Variants in PCDHGB3 observed in about 807,000 individuals in gnomAD.
The protein encoded by PCDHGB3 is protocadherin gamma subfamily B, 3.
PCDHGB3 carries 40 observed loss-of-function variants against 59.2 expected under a neutral mutation model. That is an observed-to-expected ratio of 0.68 (90% CI 0.52 to 0.88). The LOEUF is 0.88. Ranked by LOEUF, PCDHGB3 falls within the 40% of genes least tolerant of loss-of-function variation. The probability of loss-of-function intolerance (pLI) is 0.00; values close to 1 mark genes in which losing one functional copy is unlikely to be tolerated. For missense variants in PCDHGB3, 1,309 were observed against 1,187.9 expected, an observed-to-expected ratio of 1.10 and a Z score of -1.50; for synonymous variants, 581 against 503.6, an observed-to-expected ratio of 1.15 and a Z score of -2.06.
rs556484142 is a variant in PCDHGB3 at position 141,503,243 on chromosome 5, CA to C, written c.2475-2149del. On this transcript the variant is annotated intron_variant, in intron 2 of 3. Coordinates refer to ENST00000576222, the MANE Select transcript of PCDHGB3 (RefSeq NM_018924.5). ...CACCGTAAAGATGGACAGTTTCTAT[CA>C]TACTCACAGCCACAACCCCAGCACC... Among the ~76,000 whole-genome samples, 232 of 152,196 alleles carry C rather than the reference CA, an allele frequency of 1.5e-3. 2 individuals carry two copies. Among genetic ancestry groups the C allele is most frequent in the African/African-American group, 5.3e-3 (219 of 41,516 alleles).
chr5:141,456,301 C>CA (rs761557752), intron 1 of PCDHGB3, among the ~76,000 whole-genome samples: 14 of 152,154 alleles, frequency 9.2e-5, no homozygotes, highest in Non-Finnish European at 1.6e-4. Flanking sequence ...TAATGGAGAA[C>CA]AGCAGCTAGG....
chr5:141,423,759 G>GGC, intron 1 of PCDHGB3: 9 of 321,042 alleles, frequency 2.8e-5, no homozygotes, highest in Non-Finnish European at 3.6e-5. Context: ...TTGGGGGGGG[G>GGC]GTGGGGCGGC....
chr5:141,388,628 G>T (rs752578230), intron 1 of PCDHGB3: 1 of 1,613,898 alleles, frequency 6.2e-7, no homozygotes, highest in East Asian at 2.2e-5. Flanking sequence ...ACGTATACAG[G>T]GTGAGCCTTT....
In PCDHGB3 at chr5:141,487,161, T is replaced by G; in HGVS notation, c.2416-7646T>G. ...CTCTCTACCTCTGTTACTCTCTTAGTGTCCTTAGAGGAAGACACTCATCCA... is the reference window on the plus strand; with the variant it reads ...CTCTCTACCTCTGTTACTCTCTTAGGGTCCTTAGAGGAAGACACTCATCCA... On this transcript the variant is annotated intron_variant, in intron 1 of 3. Transcript: ENST00000576222. The surrounding 1 kb of genome is among the most constrained non-coding windows in gnomAD (Gnocchi z 5.0). The G allele has an allele frequency of 6.2e-7, 1 of 1,613,528 alleles. No individual in the cohort carries two copies. The highest frequency in any genetic ancestry group is 1.1e-5 in the South Asian group (1 of 91,072).
At chr5:141,427,840 A>C (rs779622800) in intron 1 of PCDHGB3, 8 of 1,548,180 alleles carry the variant, frequency 5.2e-6, no homozygotes, top group Admixed American at 3.3e-5. Flanking sequence ...CGTGCCTTCG[A>C]CCACGAGCAG....
intron 1 of PCDHGB3, chr5:141,398,266 G>A: frequency 1.4e-6 from 2 of 1,439,368 alleles, no homozygotes; most frequent in Non-Finnish European, 1.9e-6. Flanking sequence ...GGGCTCCGTA[G>A]TGGGGAACCT....
Position 141,371,511 on chromosome 5 carries a change from G to T in PCDHGB3, c.1117G>T (p.Asp373Tyr), listed in dbSNP as rs747916078. The change falls in exon 1 of 4, where the codon GAT (aspartate) becomes TAT (tyrosine). Residue 373 changes from aspartate to tyrosine, a missense_variant. Physicochemically the swap from Asp to Tyr is radical, Grantham distance 160 (BLOSUM62 -3). Transcript: ENST00000576222. ...TGCCGTTGCCCTGATCAAAACACAT[G>T]ATCTAGATTCTGGATTTAATGGAGA... ...GTAVALIKTH[D>Y]LDSGFNGEIL... The T allele has an allele frequency of 4.3e-6, 7 of 1,613,850 alleles. No homozygotes were observed. The highest frequency in any genetic ancestry group is 2.2e-5 in the East Asian group (1 of 44,878).
Position 141,405,169 on chromosome 5 carries a change from C to G in PCDHGB3, c.2415+32360C>G, listed in dbSNP as rs377298438. 12 of 1,614,004 alleles carry G rather than the reference C, an allele frequency of 7.4e-6. No homozygotes were observed. The African/African-American group carries it at 1.6e-4, about 22-fold the overall frequency. On this transcript the variant is annotated intron_variant, in intron 1 of 3. Coordinates refer to ENST00000576222, the MANE Select transcript of PCDHGB3 (RefSeq NM_018924.5). ...GGTTGGCTGGTGTGCCCACCTCACA[C>G]TTTGTGGGTGTAGATGGGGTTCGAG...
chr5:141,403,229 G>C, intron 1 of PCDHGB3: 1 of 1,613,950 alleles, frequency 6.2e-7, no homozygotes, highest in Non-Finnish European at 8.5e-7. Flanking sequence ...GATAGACCGG[G>C]AGGAGCTCTG....
Position 141,431,559 on chromosome 5 carries a change from C to T in PCDHGB3, c.2415+58750C>T. 6.2e-7 allele frequency: 1 copy of T among 1,614,158 alleles called. No individual in the cohort carries two copies. On this transcript the variant is annotated intron_variant, in intron 1 of 3. Transcript: ENST00000576222. The surrounding 1 kb of genome is among the most constrained non-coding windows in gnomAD (Gnocchi z 4.8). ...ACGCAGCTGCTTGTAGTCAACGCTA[C>T]CGACCCTGACGAAGGAGTCAATGCG...
rs147564249 is a variant in PCDHGB3, at chr5:141,432,378, C to T, written c.2415+59569C>T. 1 of 1,614,234 alleles carries T rather than the reference C, an allele frequency of 6.2e-7. No homozygotes were observed. Among genetic ancestry groups the T allele is most frequent in the Non-Finnish European group, 8.5e-7 (1 of 1,180,044 alleles). ...GTGATGGCGCGGGACAACGGGCACCCGCCCCTCAGCAGCAACGTGTCGTTG... is the reference window on the plus strand; with the variant it reads ...GTGATGGCGCGGGACAACGGGCACCTGCCCCTCAGCAGCAACGTGTCGTTG... On this transcript the variant is annotated intron_variant, in intron 1 of 3. Coordinates refer to ENST00000576222, the MANE Select transcript of PCDHGB3 (RefSeq NM_018924.5). This position sits in a 1 kb window ranked among gnomAD's most constrained non-coding sequence, Gnocchi z 6.0.
At chr5:141,471,079 C>T (rs1169560328) in intron 1 of PCDHGB3, among the ~76,000 whole-genome samples, 1 of 145,256 alleles carries the variant, frequency 6.9e-6, no homozygotes, top group African/African-American at 2.5e-5. Context: ...GACAGGGTCT[C>T]CCTCTGTTGT....
At chr5:141,375,421 C>G in intron 1 of PCDHGB3, 1 of 1,613,998 alleles carries the variant, frequency 6.2e-7, no homozygotes, top group South Asian at 1.1e-5. Flanking sequence ...CAGACACCAA[C>G]GACAACCCGC....
chr5:141,374,976 C>A, intron 1 of PCDHGB3: 1 of 1,614,016 alleles, frequency 6.2e-7, no homozygotes, highest in Non-Finnish European at 8.5e-7. Context: ...AATGTTTTGA[C>A]TGGAGAAATT....
rs1369150914 is a variant in PCDHGB3 at position 141,432,217 on chromosome 5, G to A, written c.2415+59408G>A. The A allele has an allele frequency of 3.1e-6, 5 of 1,614,204 alleles. No individual in the cohort carries two copies. The East Asian group carries it at 6.7e-5, about 22-fold the overall frequency. On this transcript the variant is annotated intron_variant, in intron 1 of 3. Coordinates refer to ENST00000576222, the MANE Select transcript of PCDHGB3 (RefSeq NM_018924.5). The surrounding 1 kb of genome is among the most constrained non-coding windows in gnomAD (Gnocchi z 6.0). ...ACCCCGACTGTGAAGAGAACGCCCAGATCACTTATTCCCTGGCTGAGAACA... is the reference window on the plus strand; with the variant it reads ...ACCCCGACTGTGAAGAGAACGCCCAAATCACTTATTCCCTGGCTGAGAACA...
At chr5:141,455,534 A>G (rs985347185) in intron 1 of PCDHGB3, among the ~76,000 whole-genome samples, 1 of 152,178 alleles carries the variant, frequency 6.6e-6, no homozygotes, top group Non-Finnish European at 1.5e-5. Flanking sequence ...GACCAGGCAT[A>G]TCATTCACGT....
intron 1 of PCDHGB3, 100 bp from the exon 2 acceptor site, chr5:141,494,707 G>A: frequency 2.5e-6 from 4 of 1,599,238 alleles, no homozygotes; most frequent in Non-Finnish European, 3.4e-6. Context: ...TCTTCTCTGT[G>A]CCCACTCCCC....
Position 141,371,139 on chromosome 5 carries a change from G to T in PCDHGB3, c.745G>T (p.Val249Phe). The change falls in exon 1 of 4, where the codon GTC becomes TTC. Residue 249 changes from valine (V) to phenylalanine (F), a missense_variant. By Grantham distance (50) the Val-to-Phe change is conservative. Coordinates refer to ENST00000576222, the MANE Select transcript of PCDHGB3 (RefSeq NM_018924.5). ...AGTATTTACTCAGGACATGTACAGG[G>T]TCAATGTTGCAGAGAACCTGCCCGC... ...PPVFTQDMYR[V>F]NVAENLPAGS... 6.2e-7 allele frequency: 1 copy of T among 1,614,022 alleles called. No homozygotes were observed. The highest frequency in any genetic ancestry group is 1.1e-5 in the South Asian group (1 of 91,078).
chr5:141,478,013 C>G (rs768425714), intron 1 of PCDHGB3: 6 of 1,614,136 alleles, frequency 3.7e-6, no homozygotes. Flanking sequence ...TACTGCCCGT[C>G]CAGTCCAAGA....
Sources: gnomAD v4.1 joint callset for allele counts (sites outside exome capture counted in the v4.1 genomes callset) on GRCh38, gnomAD v4.1.1 for gene constraint, Gnocchi (gnomAD v3.1) non-coding constraint, MANE v1.5 for transcripts, NCBI Gene and HGNC (gene_info 2026-07-23, HGNC 2026-07-21) for gene names.